The following PARP10 variants were observed in gnomAD, a reference collection of about 807,000 sequenced individuals.
PARP10 encodes poly(ADP-ribose) polymerase family member 10, also known as protein mono-ADP-ribosyltransferase PARP10.
A neutral mutation model predicts 82.4 loss-of-function variants in PARP10; 56 were observed. The ratio of observed to expected loss-of-function variants is 0.68; its 90% CI spans 0.55 to 0.85. PARP10 has a LOEUF of 0.85. Ranked by LOEUF, PARP10 falls within the 40% of genes least tolerant of loss-of-function variation. PARP10 has a pLI of 0.00. For synonymous variants in PARP10, 576 were observed against 601.1 expected (o/e 0.96, Z 0.61); for missense variants, 1,227 against 1,379.4 (o/e 0.89, Z 1.75).
Position 143,983,111 on chromosome 8 carries a change from C to G in PARP10, c.2423-46G>C, listed in dbSNP as rs1342987662. 5 of 1,612,978 alleles carry G rather than the reference C, an allele frequency of 3.1e-6. No individual in the cohort carries two copies. The South Asian group carries it at 5.5e-5, about 18-fold the overall frequency. ...GGGGGTCAGAGCCATGCCTGGGGCA[C>G]TAGCCCCTGCTAACCAGCCCACCCC... On this transcript the variant is annotated intron_variant, in intron 8 of 10. Transcript: ENST00000313028.
exon 1 of PARP10, chr8:144,012,717 C>T: frequency 6.4e-7 from 1 of 1,551,656 alleles, no homozygotes; most frequent in Non-Finnish European, 8.7e-7. Flanking sequence ...TTCCTCACGC[C>T]AGAACAATGG....
upstream of PARP10, chr8:143,993,051 G>GC: frequency 1.8e-6 from 1 of 559,432 alleles, no homozygotes; most frequent in Non-Finnish European, 3.2e-6. Flanking sequence ...TAGTCCTCCC[G>GC]CCCCCGCCAA....
chr8:143,984,378 C>T lies in PARP10; in HGVS notation c.1512G>A (p.Leu504=), dbSNP rs1554748622. The change falls in exon 6 of 11, where the codon CTG becomes CTA. Residue 504 remains leucine, a synonymous_variant. Coordinates refer to ENST00000313028, the MANE Select transcript of PARP10 (RefSeq NM_032789.5). ...CQAAEEFLRS[L]LGSISCHVLC... ...ACACATGGCAGCTAATGCTGCCCAG[C>T]AGGCTCCGCAGAAACTCCTCAGCCG... is the stretch of plus-strand genomic sequence containing the variant. 3 of 1,612,884 alleles carry T rather than the reference C, an allele frequency of 1.9e-6. No homozygotes were observed. The highest frequency in any genetic ancestry group is 2.5e-6 in the Non-Finnish European group (3 of 1,179,746).
At chr8:144,012,563 G>A (rs1554752606) in exon 1 of PARP10, 13 of 1,551,754 alleles carry the variant, frequency 8.4e-6, no homozygotes, top group Non-Finnish European at 1.0e-5. Flanking sequence ...AGATAGAGAG[G>A]CTGGTGCGGG....
At chr8:144,009,394 A>G (rs1834256875) in intron 1 of PARP10, among the ~76,000 whole-genome samples, 1 of 151,760 alleles carries the variant, frequency 6.6e-6, no homozygotes, top group Admixed American at 6.6e-5. Flanking sequence ...GTGGCCTCCC[A>G]GCTCAGCCTT....
chr8:143,977,641 C>T lies in PARP10; in HGVS notation c.2921G>A (p.Arg974His), dbSNP rs1297598761. Reference protein sequence around the residue: ...PLRGPGHVLLRYDSAVDCICQ... With the variant: ...PLRGPGHVLLHYDSAVDCICQ... The stretch of plus-strand genomic sequence containing the variant: ...GATGCAGTCCACGGCGCTGTCGTAG[C>T]GCAGGAGCACGTGGCCAGGACCCCG... Residue 974 changes from arginine (R) to histidine (H), a missense_variant, in exon 11 of 11, where the codon CGC (arginine) becomes CAC (histidine). Arg to His is a conservative substitution (Grantham distance 29). Coordinates refer to ENST00000313028, the MANE Select transcript of PARP10 (RefSeq NM_032789.5). 3.8e-6 allele frequency: 6 copies of T among 1,592,878 alleles called. No homozygotes were observed. The highest frequency in any genetic ancestry group is 5.1e-6 in the Non-Finnish European group (6 of 1,170,590).
chr8:143,983,754 C>T lies in PARP10; in HGVS notation c.1835G>A (p.Trp612Ter). ...TTCCTCCTCCAGCTCCCGAGGCAGC[C>T]AGTCCTCCCCGTCTAGGTCTAGGCC... ...LEGLDLDGED[W>*]LPRELEEEGP... Residue 612 changes from tryptophan to a stop codon, truncating the protein, a stop_gained, in exon 8 of 11, where the codon TGG becomes TAG. Transcript: ENST00000313028. LOFTEE classifies it high-confidence loss of function. 6.2e-7 allele frequency: 1 copy of T among 1,612,352 alleles called. No individual in the cohort carries two copies. Among genetic ancestry groups the T allele is most frequent in the Admixed American group, 1.7e-5 (1 of 59,916 alleles).
Position 143,984,116 on chromosome 8 carries a change from G to C in PARP10, c.1681-12C>G. The C allele has an allele frequency of 6.4e-7, 1 of 1,558,620 alleles. No individual in the cohort carries two copies. The highest frequency in any genetic ancestry group is 8.7e-7 in the Non-Finnish European group (1 of 1,151,072). On this transcript the variant is annotated splice_polypyrimidine_tract_variant and intron_variant, in intron 6 of 10. Coordinates refer to ENST00000313028, the MANE Select transcript of PARP10 (RefSeq NM_032789.5). ...TCGGTAGGGTCCACCTGTAGGGAGA[G>C]GATGTCAGGACCACTAGCCTCTGGG...
chr8:143,991,800 G>A, upstream of PARP10: 2 of 1,611,740 alleles, frequency 1.2e-6, no homozygotes, highest in Non-Finnish European at 1.7e-6. Flanking sequence ...GCCTTCATCC[G>A]CAAGGTGGGT....
chr8:143,984,005 T>A lies in PARP10; in HGVS notation c.1777+3A>T, dbSNP rs1554748481. On this transcript the variant is annotated splice_donor_region_variant and intron_variant, in intron 7 of 10. Coordinates refer to ENST00000313028, the MANE Select transcript of PARP10 (RefSeq NM_032789.5). ...TGTGCTGAGGGCTCCCAGGGAGCCC[T>A]ACCCAGGCTCACGTCCTCCTGGTCA... The A allele has an allele frequency of 6.6e-7, 1 of 1,514,460 alleles. No individual in the cohort carries two copies. Among genetic ancestry groups the A allele is most frequent in the East Asian group, 2.3e-5 (1 of 43,958 alleles). The allele number at this position is 1,514,460 out of a possible 1,614,324, so 93.8% of individuals were successfully genotyped here. A position where few individuals can be genotyped will look rare whatever the true frequency, so the allele number is the denominator to read the frequency against.
At chr8:143,989,168 C>T (rs920250142), upstream of PARP10, among the ~76,000 whole-genome samples, 3 of 152,192 alleles carry the variant, frequency 2.0e-5, no homozygotes, top group African/African-American at 4.8e-5. This position sits in a 1 kb window ranked among gnomAD's most constrained non-coding sequence, Gnocchi z 4.3. Flanking sequence ...CCTCCAAGGG[C>T]GGGAGGGCAG....
intron 5 of PARP10, 37 bp downstream of exon 5, chr8:143,984,507 G>A (rs782414038): frequency 1.3e-6 from 2 of 1,590,902 alleles, no homozygotes; most frequent in Admixed American, 1.7e-5. Flanking sequence ...AGTAGGAGGA[G>A]GGGGCTGAAG....
chr8:143,992,310 A>G, upstream of PARP10: 1 of 1,588,710 alleles, frequency 6.3e-7, no homozygotes, highest in Non-Finnish European at 8.6e-7. Context: ...ACACCGAGGC[A>G]GTCATCATGG....
upstream of PARP10, chr8:143,991,981 C>T (rs1834106077): frequency 6.2e-7 from 1 of 1,613,496 alleles, no homozygotes; most frequent in African/African-American, 1.3e-5. Flanking sequence ...AATGTCTGGA[C>T]CTACTATGTC....
upstream of PARP10, among the ~76,000 whole-genome samples, chr8:143,987,368 GGGAGC>G (rs1453733232): frequency 2.6e-5 from 4 of 152,152 alleles, no homozygotes; most frequent in African/African-American, 9.7e-5. Flanking sequence ...CCTCCCTCCA[GGGAGC>G]TGAGGACCCT....
Position 143,985,088 on chromosome 8 carries a change from C to A in PARP10, c.914G>T (p.Gly305Val), listed in dbSNP as rs1554748921. 6.2e-7 allele frequency: 1 copy of A among 1,613,998 alleles called. No individual in the cohort carries two copies. Among genetic ancestry groups the A allele is most frequent in the Non-Finnish European group, 8.5e-7 (1 of 1,180,008 alleles). Residue 305 changes from glycine to valine, a missense_variant, in exon 5 of 11, where the codon GGG becomes GTG. Coordinates refer to ENST00000313028, the MANE Select transcript of PARP10 (RefSeq NM_032789.5). The stretch of plus-strand genomic sequence containing the variant: ...CATGGGACCTGTCCTCAGAGAGGCC[C>A]CTGACTGCCCTGGTTCCTCGCCAGA... ...MGSGEEPGQS[G>V]ASLRTGPMVQ...
At chr8:143,981,318 ATGG>A (rs1302035447) in intron 9 of PARP10, among the ~76,000 whole-genome samples, 1 of 123,760 alleles carries the variant, frequency 8.1e-6, no homozygotes, top group Admixed American at 7.9e-5. Context: ...GGTGGTGGTG[ATGG>A]TGGTGACGAC....
chr8:144,006,465 C>T (rs1324963705), intron 1 of PARP10, among the ~76,000 whole-genome samples: 1 of 152,168 alleles, frequency 6.6e-6, no homozygotes, highest in Non-Finnish European at 1.5e-5. Context: ...AGGGTGGGCA[C>T]TGGTCTGATG....
At chr8:143,992,739 C>T, upstream of PARP10, 1 of 1,613,956 alleles carries the variant, frequency 6.2e-7, no homozygotes, top group Non-Finnish European at 8.5e-7. Flanking sequence ...AGCAGCTGTC[C>T]CTGAGCCCAG....
Sources: gnomAD v4.1 joint callset for allele counts (sites outside exome capture counted in the v4.1 genomes callset) on GRCh38, gnomAD v4.1.1 for gene constraint, Gnocchi (gnomAD v3.1) non-coding constraint, MANE v1.5 for transcripts, NCBI Gene and HGNC (gene_info 2026-07-23, HGNC 2026-07-21) for gene names.